Variants in AK5 observed in about 807,000 individuals in gnomAD.
AK5 encodes the protein adenylate kinase isoenzyme 5.
A neutral mutation model predicts 69.5 loss-of-function variants in AK5; 27 were observed. The observed-to-expected ratio is 0.39, with a 90% CI of 0.29 to 0.54. The LOEUF is 0.54. Among genes scored for constraint, AK5 ranks in the 20% least tolerant of loss-of-function variants. The pLI, the probability that AK5 is intolerant of heterozygous loss-of-function variation, is 0.71. For synonymous variants in AK5, 260 were observed against 244.4 expected, an observed-to-expected ratio of 1.06 and a Z score of -0.60; for missense variants, 531 against 700.4, an observed-to-expected ratio of 0.76 and a Z score of 2.73.
intron 6 of AK5, among the ~76,000 whole-genome samples, chr1:77,402,262 C>T (rs916976887): frequency 6.6e-6 from 1 of 152,062 alleles, no homozygotes; most frequent in African/African-American, 2.4e-5. Flanking sequence ...AGTTAACATC[C>T]AAGGTTCTTG....
intron 6 of AK5, among the ~76,000 whole-genome samples, chr1:77,374,821 GAA>G (rs536579604): frequency 7.6e-6 from 1 of 131,170 alleles, no homozygotes; most frequent in African/African-American, 2.8e-5. Flanking sequence ...CCCTGTCTCA[GAA>G]AAAAAAAAAA....
intron 6 of AK5, among the ~76,000 whole-genome samples, chr1:77,343,831 T>C (rs1661781090): frequency 6.6e-6 from 1 of 152,248 alleles, no homozygotes. Context: ...GCTCATCTTT[T>C]AGAATCTACA....
chr1:77,340,751 A>G, intron 6 of AK5, 183 bp downstream of exon 6: 1 of 314,368 alleles, frequency 3.2e-6, no homozygotes, highest in East Asian at 4.0e-5. Context: ...TGTTTTTTTA[A>G]AAAAACTTTC....
chr1:77,332,578 C>T (rs1284470745), intron 5 of AK5, among the ~76,000 whole-genome samples: 1 of 147,618 alleles, frequency 6.8e-6, no homozygotes, highest in East Asian at 2.0e-4. Context: ...TGGGGATTTT[C>T]TAGTTATATT....
Position 77,340,313 on chromosome 1 carries a change from A to C in AK5, c.700-64A>C. On this transcript the variant is annotated intron_variant, in intron 5 of 13. Coordinates refer to ENST00000354567, the MANE Select transcript of AK5 (RefSeq NM_174858.3). ...CCACAGAACAAAAGGAAATGAATGC[A>C]GCTGCCCACACATGCATTAGTTGGT... 4 of 1,464,030 alleles carry C rather than the reference A, an allele frequency of 2.7e-6. No individual in the cohort carries two copies. In the South Asian group the frequency reaches 5.0e-5, roughly 18 times the overall value. The allele number at this position is 1,464,030 out of a possible 1,614,324, so 90.7% of individuals were successfully genotyped here.
At chr1:77,394,230 AAAAG>A (rs1648681387) in intron 6 of AK5, among the ~76,000 whole-genome samples, 1 of 152,048 alleles carries the variant, frequency 6.6e-6, no homozygotes, top group African/African-American at 2.4e-5. Context: ...AAAAAAAAGA[AAAAG>A]AAAAAATGTC....
chr1:77,312,837 C>T (rs1570361003), intron 5 of AK5, among the ~76,000 whole-genome samples: 1 of 152,174 alleles, frequency 6.6e-6, no homozygotes, highest in South Asian at 2.1e-4. Flanking sequence ...CACAGTGCTG[C>T]CTTCTTCCCT....
intron 6 of AK5, among the ~76,000 whole-genome samples, chr1:77,360,602 G>A (rs1189612242): frequency 6.6e-6 from 1 of 152,176 alleles, no homozygotes; most frequent in East Asian, 1.9e-4. Context: ...GAAGGGGAAA[G>A]GAGGAATGGA....
At chr1:77,473,557 C>T (rs776232776) in intron 8 of AK5, among the ~76,000 whole-genome samples, 1 of 152,186 alleles carries the variant, frequency 6.6e-6, no homozygotes, top group African/African-American at 2.4e-5. Flanking sequence ...TTTCTAATTG[C>T]CTATGCACTG....
intron 6 of AK5, among the ~76,000 whole-genome samples, chr1:77,378,854 G>A (rs924456212): frequency 6.6e-6 from 1 of 152,124 alleles, no homozygotes; most frequent in Non-Finnish European, 1.5e-5. Flanking sequence ...AGATAGGCAG[G>A]ACAGCAAACT....
intron 10 of AK5, among the ~76,000 whole-genome samples, chr1:77,515,618 T>A (rs1310886553): frequency 6.6e-6 from 1 of 150,976 alleles, no homozygotes; most frequent in African/African-American, 2.4e-5. Context: ...AGCCCAAGAG[T>A]AAGACAGGCA....
At chr1:77,294,040 T>C (rs1658844982) in intron 3 of AK5, 80 bp downstream of exon 3, 1 of 1,285,758 alleles carries the variant, frequency 7.8e-7, no homozygotes. Context: ...GTAAATCATA[T>C]ATGTGCAAAT....
chr1:77,331,334 A>G (rs1570392219), intron 5 of AK5, among the ~76,000 whole-genome samples: 1 of 152,172 alleles, frequency 6.6e-6, no homozygotes, highest in East Asian at 1.9e-4. Context: ...CCAATTAAGT[A>G]TGATGCTTGC....
chr1:77,504,064 G>A (rs375663933), intron 10 of AK5, among the ~76,000 whole-genome samples: 1 of 152,070 alleles, frequency 6.6e-6, no homozygotes, highest in African/African-American at 2.4e-5. Flanking sequence ...AAAACATGCA[G>A]CTTTTTCTGT....
chr1:77,358,837 A>G (rs929500553), intron 6 of AK5, among the ~76,000 whole-genome samples: 9 of 151,966 alleles, frequency 5.9e-5, no homozygotes, highest in African/African-American at 2.2e-4. Flanking sequence ...AGAGGAAAGA[A>G]AAAGCCTATT....
chr1:77,508,427 C>T (rs1450465717), intron 10 of AK5, among the ~76,000 whole-genome samples: 2 of 152,124 alleles, frequency 1.3e-5, no homozygotes, highest in Admixed American at 6.5e-5. Context: ...CCTTATTAGC[C>T]GAAACATTAC....
intron 13 of AK5, among the ~76,000 whole-genome samples, chr1:77,552,313 C>G (rs957019304): frequency 3.9e-5 from 6 of 152,180 alleles, no homozygotes; most frequent in African/African-American, 1.4e-4. Flanking sequence ...CTCTCCCCCA[C>G]TGCAAAATTC....
chr1:77,409,959 G>A (rs780736869), intron 6 of AK5, among the ~76,000 whole-genome samples: 16 of 151,906 alleles, frequency 1.1e-4, no homozygotes, highest in Non-Finnish European at 1.9e-4. Flanking sequence ...TTCTGCATAC[G>A]GCTAGCCAGT....
At chr1:77,382,727 C>A (rs914820044) in intron 6 of AK5, among the ~76,000 whole-genome samples, 8 of 152,192 alleles carry the variant, frequency 5.3e-5, no homozygotes, top group African/African-American at 1.9e-4. Flanking sequence ...TCATTAACAT[C>A]TTGGGGCTTT....
Sources: allele counts gnomAD v4.1 joint callset (sites outside exome capture counted in the v4.1 genomes callset), GRCh38; gene constraint gnomAD v4.1.1; transcripts MANE v1.5; gene names NCBI Gene and HGNC (gene_info 2026-07-23, HGNC 2026-07-21).